Variants in PPARGC1A observed in about 807,000 individuals in gnomAD.
PPARGC1A encodes peroxisome proliferator-activated receptor gamma coactivator 1-alpha.
Under a neutral mutation model 88.7 loss-of-function variants are expected in PPARGC1A, and 25 were observed. The observed-to-expected ratio is 0.28, with a 90% CI of 0.21 to 0.39. The LOEUF is 0.39. Ranked by LOEUF, PPARGC1A falls within the 10% of genes least tolerant of loss-of-function variation. The pLI, the probability that PPARGC1A is intolerant of heterozygous loss-of-function variation, is 1.00. For missense variants in PPARGC1A, 880 were observed against 968.7 expected (o/e 0.91, Z 1.22); for synonymous variants, 363 against 355.6 (o/e 1.02, Z -0.24).
the PPARGC1A span, among the ~76,000 whole-genome samples, chr4:24,117,575 C>G: frequency 6.6e-6 from 1 of 150,406 alleles, no homozygotes; most frequent in Non-Finnish European, 1.5e-5. Flanking sequence ...AGGCAAAAAA[C>G]GTGTCTTTGC....
At chr4:23,992,038 C>CT in the PPARGC1A span, among the ~76,000 whole-genome samples, 38 of 150,970 alleles carry the variant, frequency 2.5e-4, no homozygotes, top group African/African-American at 5.3e-4. Context: ...CTTTGGGGTT[C>CT]TTTTTTTTTA....
At chr4:24,005,891 T>C in the PPARGC1A span, among the ~76,000 whole-genome samples, 2 of 152,054 alleles carry the variant, frequency 1.3e-5, no homozygotes, top group Non-Finnish European at 2.9e-5. Flanking sequence ...GTGTGGGAGT[T>C]GGAAGATTCT....
At chr4:23,897,559 GA>G (rs1267210189) in intron 1 of PPARGC1A, among the ~76,000 whole-genome samples, 1 of 152,138 alleles carries the variant, frequency 6.6e-6, no homozygotes, top group Admixed American at 6.6e-5. Context: ...GACAACTCAG[GA>G]AGCCTTCTTT....
chr4:24,137,597 A>G, the PPARGC1A span, among the ~76,000 whole-genome samples: 4 of 152,148 alleles, frequency 2.6e-5, no homozygotes, highest in African/African-American at 7.2e-5. Flanking sequence ...AGAGAAAGTC[A>G]CCTTCCAAAA....
upstream of PPARGC1A, among the ~76,000 whole-genome samples, chr4:23,901,369 CAAAAAAAAAAA>C (rs766239228): frequency 4.2e-5 from 3 of 71,722 alleles, no homozygotes; most frequent in Non-Finnish European, 7.7e-5. Flanking sequence ...GACTCCGTCT[CAAAAAAAAAAA>C]AAAAAAAAAA....
chr4:23,922,213 C>T, the PPARGC1A span, among the ~76,000 whole-genome samples: 1 of 152,140 alleles, frequency 6.6e-6, no homozygotes. Context: ...GGGTGCTTGG[C>T]ACTCAAAGAG....
the PPARGC1A span, among the ~76,000 whole-genome samples, chr4:24,332,054 T>C: frequency 6.6e-6 from 1 of 152,156 alleles, no homozygotes; most frequent in Admixed American, 6.5e-5. Flanking sequence ...GTAGTCTACA[T>C]GCTGCTTTGG....
chr4:24,405,748 A>G, the PPARGC1A span, among the ~76,000 whole-genome samples: 1 of 152,200 alleles, frequency 6.6e-6, no homozygotes, highest in African/African-American at 2.4e-5. Context: ...AGAACACATT[A>G]GAGGACAAAA....
the PPARGC1A span, among the ~76,000 whole-genome samples, chr4:24,073,067 G>A: frequency 2.0e-5 from 3 of 151,990 alleles, no homozygotes; most frequent in South Asian, 6.2e-4. Context: ...TTTTGAGATG[G>A]AGTCTTGCTC....
At chr4:24,209,244 T>C in the PPARGC1A span, among the ~76,000 whole-genome samples, 1 of 152,072 alleles carries the variant, frequency 6.6e-6, no homozygotes, top group Non-Finnish European at 1.5e-5. Flanking sequence ...TCCGGAAGAA[T>C]CTAAAACAGG....
chr4:24,206,414 C>G, the PPARGC1A span, among the ~76,000 whole-genome samples: 1 of 152,160 alleles, frequency 6.6e-6, no homozygotes, highest in South Asian at 2.1e-4. Context: ...TGCAATAACA[C>G]AGAAACATGA....
the PPARGC1A span, among the ~76,000 whole-genome samples, chr4:24,075,989 C>T: frequency 3.3e-5 from 5 of 152,126 alleles, no homozygotes; most frequent in East Asian, 1.9e-4. Context: ...TGCATATCTC[C>T]GTGTTCTCTG....
At chr4:24,005,317 C>T in the PPARGC1A span, among the ~76,000 whole-genome samples, 2 of 151,960 alleles carry the variant, frequency 1.3e-5, no homozygotes, top group African/African-American at 4.8e-5. Context: ...TAAATAGAAA[C>T]TTAAAATAGG....
the PPARGC1A span, among the ~76,000 whole-genome samples, chr4:23,952,343 C>A: frequency 6.6e-6 from 1 of 152,136 alleles, no homozygotes; most frequent in Non-Finnish European, 1.5e-5. Flanking sequence ...CCCCTAGGTG[C>A]TTTTACCTGC....
intron 4 of PPARGC1A, 44 bp from the exon 5 acceptor site, chr4:23,828,648 C>G: frequency 6.4e-7 from 1 of 1,570,988 alleles, no homozygotes; most frequent in Non-Finnish European, 8.8e-7. Context: ...GTGAACTGAA[C>G]CTTATCAGAA....
the PPARGC1A span, among the ~76,000 whole-genome samples, chr4:24,305,550 T>A: frequency 6.6e-6 from 1 of 152,190 alleles, no homozygotes; most frequent in Non-Finnish European, 1.5e-5. Context: ...CAGTGGCTCA[T>A]GCCTGTAATC....
chr4:24,327,854 G>A, the PPARGC1A span, among the ~76,000 whole-genome samples: 1 of 152,054 alleles, frequency 6.6e-6, no homozygotes, highest in African/African-American at 2.4e-5. Flanking sequence ...CCAAGCCATC[G>A]CATCCCCTGT....
chr4:23,833,107 T>C (rs1467249149), intron 2 of PPARGC1A, among the ~76,000 whole-genome samples: 1 of 152,308 alleles, frequency 6.6e-6, no homozygotes, highest in Middle Eastern at 3.4e-3. Context: ...GTCCCTCTAA[T>C]AACACTACTG....
the PPARGC1A span, among the ~76,000 whole-genome samples, chr4:24,234,316 A>G: frequency 2.0e-5 from 3 of 152,228 alleles, no homozygotes; most frequent in African/African-American, 7.2e-5. Flanking sequence ...ATATTTTAAA[A>G]GTCCTTAGAG....
Sources: allele counts gnomAD v4.1 joint callset (sites outside exome capture counted in the v4.1 genomes callset), GRCh38; gene constraint gnomAD v4.1.1; transcripts MANE v1.5; gene names NCBI Gene and HGNC (gene_info 2026-07-23, HGNC 2026-07-21).